The following AKAP12 variants were observed in gnomAD, a reference collection of about 807,000 sequenced individuals.
AKAP12 encodes A-kinase anchor protein 12.
AKAP12 carries 32 observed loss-of-function variants against 79.9 expected under a neutral mutation model. The ratio of observed to expected loss-of-function variants is 0.40; its 90% CI spans 0.30 to 0.54. AKAP12 has a LOEUF of 0.54. Among genes scored for constraint, AKAP12 ranks in the 20% least tolerant of loss-of-function variants. AKAP12 has a pLI of 0.48. For missense variants in AKAP12, 2,074 were observed against 2,177.0 expected (o/e 0.95, Z 0.94); for synonymous variants, 808 against 857.0 (o/e 0.94, Z 1.00).
At chr6:151,254,809 C>T (rs17080959) in intron 2 of AKAP12, among the ~76,000 whole-genome samples, 23,259 of 152,164 alleles carry the variant, frequency 0.15, 1,857 homozygotes, top group African/African-American at 0.17. Flanking sequence ...TATCTTGAAT[C>T]GCAACAATGA....
chr6:151,346,968 T>C (rs1778117310), intron 3 of AKAP12, among the ~76,000 whole-genome samples: 1 of 152,248 alleles, frequency 6.6e-6, no homozygotes, highest in Non-Finnish European at 1.5e-5. Flanking sequence ...ATGGATTCTT[T>C]TTTTATTCAA....
At chr6:151,266,718 G>C (rs957123677) in intron 2 of AKAP12, among the ~76,000 whole-genome samples, 1 of 152,104 alleles carries the variant, frequency 6.6e-6, no homozygotes, top group Non-Finnish European at 1.5e-5. Flanking sequence ...CGAAGATGTT[G>C]AAAGATCAGT....
chr6:151,349,192 G>C lies in AKAP12; in HGVS notation c.801G>C (p.Glu267Asp), dbSNP rs776276200. 29 of 1,612,186 alleles carry C rather than the reference G, an allele frequency of 1.8e-5. No homozygotes were observed. The highest frequency in any genetic ancestry group is 2.4e-5 in the Non-Finnish European group (28 of 1,180,052). Residue 267 changes from glutamate (E) to aspartate (D), a missense_variant, in exon 4 of 5, where the codon GAG (glutamate) becomes GAC (aspartate). This residue lies in a region of AKAP12 where 1,428 missense variants were observed against 1,451.0 expected (regional missense o/e 0.98). Transcript: ENST00000402676. ...GCCAAGCAGTGGAGGAATGCAAAGA[G>C]GAAGGAGAAGAGAAACAAGAAAAAG... is the stretch of plus-strand genomic sequence containing the variant. ...ESGQAVEECK[E>D]EGEEKQEKEP...
At chr6:151,274,796 A>G (rs1051927178) in intron 2 of AKAP12, among the ~76,000 whole-genome samples, 3 of 152,162 alleles carry the variant, frequency 2.0e-5, no homozygotes, top group Non-Finnish European at 4.4e-5. Context: ...GTAGTATAAA[A>G]ATGGAGGTAA....
intron 2 of AKAP12, among the ~76,000 whole-genome samples, chr6:151,297,447 C>T (rs1181792012): frequency 2.0e-5 from 3 of 151,684 alleles, no homozygotes; most frequent in African/African-American, 7.3e-5. Context: ...GTGGTGCGCA[C>T]CTGTAATCCC....
intron 3 of AKAP12, among the ~76,000 whole-genome samples, chr6:151,326,730 T>G (rs1435399097): frequency 1.3e-5 from 2 of 152,152 alleles, no homozygotes; most frequent in Non-Finnish European, 2.9e-5. Flanking sequence ...TTAAATTCCG[T>G]TTGTGAATTT....
intron 2 of AKAP12, among the ~76,000 whole-genome samples, chr6:151,285,142 A>G (rs2114728960): frequency 6.6e-6 from 1 of 152,334 alleles, no homozygotes. Flanking sequence ...CCATTGTGAA[A>G]ACTTACATAT....
chr6:151,337,930 G>A (rs1439244440), intron 3 of AKAP12, among the ~76,000 whole-genome samples: 8 of 152,174 alleles, frequency 5.3e-5, no homozygotes, highest in East Asian at 1.9e-4. Context: ...CCAGCTACTC[G>A]GGAGGCTGAG....
At chr6:151,345,017 A>C (rs1378574094) in intron 3 of AKAP12, among the ~76,000 whole-genome samples, 1 of 152,062 alleles carries the variant, frequency 6.6e-6, no homozygotes, top group African/African-American at 2.4e-5. Flanking sequence ...ATATTTCTAA[A>C]TATTTCTGCA....
chr6:151,348,680 T>TGGGGCTCCCC, intron 3 of AKAP12, 31 bp from the exon 4 acceptor site: 1 of 355,202 alleles, frequency 2.8e-6, no homozygotes. Flanking sequence ...TTTTCTCTTC[T>TGGGGCTCCCC]CCCCACCCCC....
At chr6:151,246,343 G>A (rs1797074753) in intron 2 of AKAP12, among the ~76,000 whole-genome samples, 1 of 152,128 alleles carries the variant, frequency 6.6e-6, no homozygotes, top group Non-Finnish European at 1.5e-5. Flanking sequence ...TCTTGAACCT[G>A]GGAGGGGGAG....
intron 2 of AKAP12, among the ~76,000 whole-genome samples, chr6:151,302,968 G>A (rs942347068): frequency 6.6e-6 from 1 of 152,160 alleles, no homozygotes; most frequent in African/African-American, 2.4e-5. Flanking sequence ...GGCTGAGGCG[G>A]GCGGATCAGC....
intron 2 of AKAP12, 98 bp downstream of exon 2, chr6:151,240,822 C>T: frequency 1.0e-6 from 1 of 980,370 alleles, no homozygotes; most frequent in Non-Finnish European, 1.3e-6. Context: ...AGAGAACTTC[C>T]CAGCCCATCC....
At chr6:151,275,452 G>T (rs1377766647) in intron 2 of AKAP12, among the ~76,000 whole-genome samples, 1 of 152,038 alleles carries the variant, frequency 6.6e-6, no homozygotes, top group African/African-American at 2.4e-5. Flanking sequence ...TAGAAGAATG[G>T]ATTATGAAAA....
intron 2 of AKAP12, among the ~76,000 whole-genome samples, chr6:151,254,185 A>G (rs911799405): frequency 1.3e-5 from 2 of 152,036 alleles, no homozygotes; most frequent in African/African-American, 4.8e-5. Context: ...TGACCATTAC[A>G]ATCTTTGTAT....
In AKAP12 at chr6:151,327,893, C is replaced by T. The variant is rs143089612; in HGVS notation, c.320-20818C>T. Among the ~76,000 whole-genome samples the T allele has an allele frequency of 3.2e-3, 480 of 152,270 alleles. 2 individuals carry two copies. Among genetic ancestry groups the T allele is most frequent in the African/African-American group, 0.01 (424 of 41,548 alleles). On this transcript the variant is annotated intron_variant, in intron 3 of 4. Transcript: ENST00000402676. ...AAAAATTTACCAGCAAGAAATCTTA[C>T]GTAGTGGAAAAAGTAAAAATGAAAG...
chr6:151,298,561 A>G (rs375934103), intron 2 of AKAP12, among the ~76,000 whole-genome samples: 5 of 152,194 alleles, frequency 3.3e-5, no homozygotes, highest in African/African-American at 4.8e-5. Flanking sequence ...TGGGAAGCCA[A>G]TGCGGGTGGA....
At chr6:151,290,764 C>T (rs923981988) in intron 2 of AKAP12, among the ~76,000 whole-genome samples, 8 of 152,274 alleles carry the variant, frequency 5.3e-5, no homozygotes, top group African/African-American at 1.9e-4. Flanking sequence ...CGCCACCATG[C>T]CAGGCTAATT....
intron 3 of AKAP12, chr6:151,324,490 C>G: frequency 1.0e-6 from 1 of 985,458 alleles, no homozygotes; most frequent in Non-Finnish European, 1.2e-6. Flanking sequence ...CCCTGATTCT[C>G]CTGTTCCTCG....
Sources: allele counts gnomAD v4.1 joint callset (sites outside exome capture counted in the v4.1 genomes callset), GRCh38; gene constraint gnomAD v4.1.1; regional missense constraint gnomAD v4.1.1; transcripts MANE v1.5; gene names NCBI Gene and HGNC (gene_info 2026-07-23, HGNC 2026-07-21).